Variants in BEND7 observed in about 807,000 individuals in gnomAD.
BEND7 encodes the protein BEN domain-containing protein 7.
Under a neutral mutation model 50.9 loss-of-function variants are expected in BEND7, and 28 were observed. The observed-to-expected ratio is 0.55, with a 90% CI of 0.41 to 0.75. BEND7 has a LOEUF of 0.75. Among genes scored for constraint, BEND7 ranks in the 30% least tolerant of loss-of-function variants. BEND7 has a pLI of 0.00. For synonymous variants in BEND7, 170 were observed against 183.9 expected, an observed-to-expected ratio of 0.92 and a Z score of 0.61; for missense variants, 477 against 491.3, an observed-to-expected ratio of 0.97 and a Z score of 0.28.
At chr10:13,486,191 G>T (rs912251132) in intron 5 of BEND7, among the ~76,000 whole-genome samples, 1 of 152,158 alleles carries the variant, frequency 6.6e-6, no homozygotes, top group Non-Finnish European at 1.5e-5. Flanking sequence ...TTTTTAAAAT[G>T]TATGTATTTA....
chr10:13,494,616 C>T (rs1015011061), intron 4 of BEND7, among the ~76,000 whole-genome samples: 18 of 152,330 alleles, frequency 1.2e-4, no homozygotes, highest in Admixed American at 1.0e-3. Flanking sequence ...TCTGCACCCT[C>T]AGAATCAAAG....
intron 8 of BEND7, chr10:13,445,943 A>G (rs1310246458): frequency 3.9e-5 from 6 of 152,196 alleles, no homozygotes; most frequent in African/African-American, 7.2e-5. Flanking sequence ...TTAGGATTTC[A>G]TGGATCGGCT....
At chr10:13,457,107 C>G (rs1220745444) in intron 6 of BEND7, among the ~76,000 whole-genome samples, 1 of 152,198 alleles carries the variant, frequency 6.6e-6, no homozygotes, top group Admixed American at 6.5e-5. Flanking sequence ...ATTATTTATA[C>G]AGTTAATTTC....
intron 5 of BEND7, among the ~76,000 whole-genome samples, chr10:13,489,813 T>G (rs1165369048): frequency 6.6e-6 from 1 of 152,226 alleles, no homozygotes; most frequent in African/African-American, 2.4e-5. Flanking sequence ...GAGGGGGCTC[T>G]CCTTAAAGCT....
At chr10:13,520,802 G>A (rs750034565) in intron 2 of BEND7, among the ~76,000 whole-genome samples, 1 of 152,174 alleles carries the variant, frequency 6.6e-6, no homozygotes, top group Non-Finnish European at 1.5e-5. Context: ...GGAGTGCCCG[G>A]ATGGCCTAAC....
downstream of BEND7, chr10:13,439,353 T>C (rs762619734): frequency 4.3e-6 from 7 of 1,614,164 alleles, no homozygotes; most frequent in South Asian, 6.6e-5. Flanking sequence ...TCTGGTAAGG[T>C]TGTTCAGGAG....
chr10:13,506,200 CCT>C (rs57780391), intron 2 of BEND7, among the ~76,000 whole-genome samples: 3,935 of 152,210 alleles, frequency 0.026, 129 homozygotes, highest in African/African-American at 0.074. Flanking sequence ...AAACTGCCCC[CCT>C]GTTTGCAGAT....
intron 4 of BEND7, 57 bp from the exon 5 acceptor site, chr10:13,492,933 T>C: frequency 6.4e-7 from 1 of 1,558,024 alleles, no homozygotes; most frequent in South Asian, 1.2e-5. Flanking sequence ...TAGGAAAACT[T>C]ATCTCCGGTC....
chr10:13,502,092 T>C (rs1373909965), intron 2 of BEND7, among the ~76,000 whole-genome samples: 4 of 152,106 alleles, frequency 2.6e-5, no homozygotes, highest in African/African-American at 4.8e-5. Context: ...AACATAATGA[T>C]TGCACTTAGG....
At position 13,492,684 on chromosome 10, in the gene BEND7, G is replaced by C; in HGVS notation, c.764C>G (p.Ala255Gly). The C allele has an allele frequency of 6.2e-7, 1 of 1,614,198 alleles. No homozygotes were observed. The highest frequency in any genetic ancestry group is 8.5e-7 in the Non-Finnish European group (1 of 1,180,038). ...CTCCTCCGGGGAGGTGTGCTCGGCT[G>C]CCTGGAGAGCAGATAGCTCAGAGGC... is the stretch of plus-strand genomic sequence containing the variant. Reference protein sequence around the residue: ...VVASELSALQAAEHTSPEESR... With the variant: ...VVASELSALQGAEHTSPEESR... The change falls in exon 5 of 9, where the codon GCA becomes GGA. Residue 255 changes from alanine (A) to glycine (G), a missense_variant. Around this residue, in one of 3 missense-constraint regions of BEND7, gnomAD observed 396 missense variants for 384.2 expected, o/e 1.03. Transcript: ENST00000466271.
intron 2 of BEND7, among the ~76,000 whole-genome samples, chr10:13,522,558 T>C (rs1275008012): frequency 6.6e-6 from 1 of 152,194 alleles, no homozygotes; most frequent in African/African-American, 2.4e-5. Flanking sequence ...GCAACACTCA[T>C]GGTCGAGCTA....
chr10:13,477,499 G>A (rs975146288), intron 6 of BEND7, among the ~76,000 whole-genome samples: 9 of 151,926 alleles, frequency 5.9e-5, no homozygotes, highest in Admixed American at 2.0e-4. Flanking sequence ...AAATCTCTAC[G>A]AATAACAACA....
chr10:13,528,288 C>T (rs551434342), intron 1 of BEND7, among the ~76,000 whole-genome samples, 185 bp downstream of exon 1: 3 of 151,904 alleles, frequency 2.0e-5, no homozygotes, highest in East Asian at 1.9e-4. Context: ...CCCTGCTCCC[C>T]CCGCACAACT....
intron 7 of BEND7, among the ~76,000 whole-genome samples, chr10:13,449,501 A>G (rs1837218543): frequency 6.6e-6 from 1 of 152,230 alleles, no homozygotes; most frequent in Non-Finnish European, 1.5e-5. Flanking sequence ...AACAATGCCA[A>G]GGACATGAGT....
intron 5 of BEND7, among the ~76,000 whole-genome samples, chr10:13,486,556 A>G (rs965676846): frequency 6.6e-6 from 1 of 152,264 alleles, no homozygotes; most frequent in African/African-American, 2.4e-5. Context: ...TCATTAAGCA[A>G]AAAATGCTCC....
At chr10:13,524,170 C>T (rs2079270767) in intron 2 of BEND7, among the ~76,000 whole-genome samples, 1 of 152,208 alleles carries the variant, frequency 6.6e-6, no homozygotes. Flanking sequence ...TCACTTCCTT[C>T]GTAGTGACCT....
intron 7 of BEND7, among the ~76,000 whole-genome samples, chr10:13,450,893 G>T (rs1588644515): frequency 6.6e-6 from 1 of 152,018 alleles, no homozygotes; most frequent in African/African-American, 2.4e-5. Context: ...ATGGTTAGGG[G>T]ATGTGTTCCC....
chr10:13,528,475 C>G lies in BEND7; in HGVS notation c.59G>C (p.Arg20Pro). ...CCGCCGCCCCGGCGGCCGCTTACCT[C>G]GGCTCACCAGTTTGAAGCTCTGGGA... ...RKSQSFKLVS[R>P]DYHHEVYKIP... The change falls in exon 1 of 9, where the codon CGA becomes CCA. Residue 20 changes from arginine (R) to proline (P), a missense_variant and splice_region_variant. Arg to Pro is a moderately radical substitution (Grantham distance 103, BLOSUM62 -2). This residue lies in a region of BEND7 where 396 missense variants were observed against 384.2 expected (regional missense o/e 1.03). Transcript: ENST00000466271. 2 of 1,031,884 alleles carry G rather than the reference C, an allele frequency of 1.9e-6. No individual in the cohort carries two copies. Among genetic ancestry groups the G allele is most frequent in the Non-Finnish European group, 2.3e-6 (2 of 860,384 alleles). 63.9% of individuals were successfully genotyped at this position (1,031,884 alleles called of 1,614,324 possible).
intron 6 of BEND7, among the ~76,000 whole-genome samples, chr10:13,476,137 T>C (rs1287161379): frequency 3.3e-5 from 5 of 152,144 alleles, no homozygotes; most frequent in Non-Finnish European, 7.4e-5. Flanking sequence ...AGAGATACTA[T>C]AAGATGACAA....
Sources: gnomAD v4.1 joint callset for allele counts (sites outside exome capture counted in the v4.1 genomes callset) on GRCh38, gnomAD v4.1.1 for gene constraint, gnomAD v4.1.1 regional missense constraint, MANE v1.5 for transcripts, NCBI Gene and HGNC (gene_info 2026-07-23, HGNC 2026-07-21) for gene names.